LRRTM4: variants seen among roughly 807,000 people sequenced by gnomAD.
The protein encoded by LRRTM4 is leucine-rich repeat transmembrane neuronal protein 4.
LRRTM4 carries 25 observed loss-of-function variants against 47.6 expected under a neutral mutation model. That is an observed-to-expected ratio of 0.53 (90% CI 0.38 to 0.73). The LOEUF is 0.73. Ranked by LOEUF, LRRTM4 falls within the 30% of genes least tolerant of loss-of-function variation. The pLI, the probability that LRRTM4 is intolerant of heterozygous loss-of-function variation, is 0.00. For synonymous variants in LRRTM4, 311 were observed against 269.5 expected (o/e 1.15, Z -1.51); for missense variants, 638 against 713.4 (o/e 0.89, Z 1.20).
intron 3 of LRRTM4, among the ~76,000 whole-genome samples, chr2:77,489,261 C>A (rs552612359): frequency 6.6e-6 from 1 of 152,278 alleles, no homozygotes; most frequent in African/African-American, 2.4e-5. Flanking sequence ...GAGAAGACAG[C>A]ACATAAGTTA....
intron 3 of LRRTM4, among the ~76,000 whole-genome samples, chr2:76,981,639 C>CA (rs1676611485): frequency 6.6e-6 from 1 of 151,978 alleles, no homozygotes; most frequent in Non-Finnish European, 1.5e-5. Context: ...ACTACAGGGG[C>CA]ATGCCACCAT....
At chr2:77,397,796 G>A (rs1673760520) in intron 3 of LRRTM4, among the ~76,000 whole-genome samples, 2 of 151,774 alleles carry the variant, frequency 1.3e-5, no homozygotes, top group African/African-American at 4.8e-5. Context: ...AGTATAATTT[G>A]GTTTTCCACA....
Position 76,906,334 on chromosome 2 carries a change from C to T in LRRTM4, c.1552-157418G>A, listed in dbSNP as rs561938446. 3.0e-4 allele frequency among the ~76,000 whole-genome samples: 46 copies of T among 152,170 alleles called. No individual in the cohort carries two copies. The South Asian group carries it at 6.9e-3, about 23-fold the overall frequency. On this transcript the variant is annotated intron_variant, in intron 3 of 3. Transcript: ENST00000409884. Reference sequence around the variant, plus strand: ...CACCACCAGGCCTGCCCTAAAAGAGCTCCTGAAGGAAGCGCTAAACGTGGA... The same window carrying T: ...CACCACCAGGCCTGCCCTAAAAGAGTTCCTGAAGGAAGCGCTAAACGTGGA...
At chr2:77,006,469 G>A (rs558239717) in intron 3 of LRRTM4, among the ~76,000 whole-genome samples, 2 of 152,268 alleles carry the variant, frequency 1.3e-5, no homozygotes, top group South Asian at 2.1e-4. Flanking sequence ...TTTGGTAGAT[G>A]AGGATTAGAG....
intron 3 of LRRTM4, among the ~76,000 whole-genome samples, chr2:76,836,773 TACAGA>T (rs1404378758): frequency 6.6e-6 from 1 of 152,056 alleles, no homozygotes; most frequent in Non-Finnish European, 1.5e-5. Flanking sequence ...ATATAGCCAA[TACAGA>T]ACAGAATATA....
At chr2:76,796,054 GT>G (rs2103742000) in intron 3 of LRRTM4, among the ~76,000 whole-genome samples, 1 of 95,718 alleles carries the variant, frequency 1.0e-5, no homozygotes, top group Non-Finnish European at 1.9e-5. Flanking sequence ...AAGGGGTGAT[GT>G]ACTGCACCTG....
intron 3 of LRRTM4, among the ~76,000 whole-genome samples, chr2:77,425,531 A>G (rs780004644): frequency 2.0e-5 from 3 of 151,982 alleles, no homozygotes; most frequent in Non-Finnish European, 4.4e-5. Flanking sequence ...TACCTTCTCT[A>G]CTGATTGGAA....
chr2:77,185,982 T>C (rs188002956), intron 3 of LRRTM4, among the ~76,000 whole-genome samples: 1 of 152,294 alleles, frequency 6.6e-6, no homozygotes, highest in Non-Finnish European at 1.5e-5. Context: ...CAGCATGTAG[T>C]AATTAATAGA....
Position 76,864,003 on chromosome 2 carries a change from G to A in LRRTM4, c.1552-115087C>T, listed in dbSNP as rs532270251. ...ATAAGTAGTTCACCACATTTTAACAGAGGAAAATCAAACAAAATACATCCC... is the reference window on the plus strand; with the variant it reads ...ATAAGTAGTTCACCACATTTTAACAAAGGAAAATCAAACAAAATACATCCC... On this transcript the variant is annotated intron_variant, in intron 3 of 3. Coordinates refer to ENST00000409884, the MANE Select transcript of LRRTM4 (RefSeq NM_001134745.3). 1.6e-4 allele frequency among the ~76,000 whole-genome samples: 24 copies of A among 152,258 alleles called. No homozygotes were observed. In the South Asian group the frequency reaches 5.0e-3, roughly 32 times the overall value.
At chr2:76,864,851 C>G (rs920112347) in intron 3 of LRRTM4, among the ~76,000 whole-genome samples, 3 of 148,890 alleles carry the variant, frequency 2.0e-5, no homozygotes, top group Non-Finnish European at 4.5e-5. Flanking sequence ...CTCAGCCTCT[C>G]GAGTAGCTGG....
chr2:77,222,998 G>T (rs1430920249), intron 3 of LRRTM4, among the ~76,000 whole-genome samples: 1 of 151,952 alleles, frequency 6.6e-6, no homozygotes. Context: ...ATATCAAAAA[G>T]CTTATCCACC....
intron 3 of LRRTM4, among the ~76,000 whole-genome samples, chr2:77,243,610 G>C (rs1675336906): frequency 1.3e-5 from 2 of 151,886 alleles, no homozygotes; most frequent in Non-Finnish European, 1.5e-5. Flanking sequence ...TCTAGAGATA[G>C]TTGGTAGAGA....
chr2:76,783,509 A>C (rs1338262117), intron 3 of LRRTM4, among the ~76,000 whole-genome samples: 3 of 152,136 alleles, frequency 2.0e-5, no homozygotes, highest in Non-Finnish European at 4.4e-5. Flanking sequence ...TCTCAAACTG[A>C]AACTCTGTAC....
At chr2:77,266,745 A>C (rs1165668564) in intron 3 of LRRTM4, among the ~76,000 whole-genome samples, 9 of 152,130 alleles carry the variant, frequency 5.9e-5, no homozygotes, top group Admixed American at 5.9e-4. Flanking sequence ...CTGCAAATCA[A>C]CAGAACTGTT....
chr2:77,355,752 T>C lies in LRRTM4; in HGVS notation c.1551+162566A>G, dbSNP rs192903954. Among the ~76,000 whole-genome samples, 41 of 152,270 alleles carry C rather than the reference T, an allele frequency of 2.7e-4. No homozygotes were observed. In the East Asian group the frequency reaches 5.0e-3, roughly 19 times the overall value. ...GTTTGTCTAATTGGCTCTGGTGCAG[T>C]GCAGTGGAACATGTGTCAACTCTCT... On this transcript the variant is annotated intron_variant, in intron 3 of 3. Transcript: ENST00000409884.
chr2:77,355,890 T>C (rs1573302468), intron 3 of LRRTM4, among the ~76,000 whole-genome samples: 1 of 152,164 alleles, frequency 6.6e-6, no homozygotes, highest in East Asian at 1.9e-4. Flanking sequence ...CTCAGGAGTT[T>C]GAGACCAGCC....
At chr2:76,808,170 G>A (rs184052418) in intron 3 of LRRTM4, among the ~76,000 whole-genome samples, 91 of 151,350 alleles carry the variant, frequency 6.0e-4, no homozygotes, top group African/African-American at 2.0e-3. Context: ...ACAGGCGCCC[G>A]CCACGACGCC....
intron 3 of LRRTM4, among the ~76,000 whole-genome samples, chr2:77,342,806 C>T (rs6750577): frequency 0.081 from 12,272 of 151,334 alleles, 854 homozygotes; most frequent in African/African-American, 0.18. Context: ...ACTGCAAAAG[C>T]GGCTACTCTG....
intron 3 of LRRTM4, among the ~76,000 whole-genome samples, chr2:77,495,789 T>C (rs1288357569): frequency 6.6e-6 from 1 of 152,034 alleles, no homozygotes; most frequent in Non-Finnish European, 1.5e-5. Flanking sequence ...GTTTTGTAAG[T>C]CTTGAAATAA....
Sources: gnomAD v4.1 joint callset for allele counts (sites outside exome capture counted in the v4.1 genomes callset) on GRCh38, gnomAD v4.1.1 for gene constraint, MANE v1.5 for transcripts, NCBI Gene and HGNC (gene_info 2026-07-23, HGNC 2026-07-21) for gene names.